The following PDE4D variants were observed in gnomAD, a reference collection of about 807,000 sequenced individuals.
PDE4D encodes phosphodiesterase 4D, also known as 3',5'-cyclic-AMP phosphodiesterase 4D.
Under a neutral mutation model 87.4 loss-of-function variants are expected in PDE4D, and 24 were observed. That is an observed-to-expected ratio of 0.27 (90% CI 0.20 to 0.39). The LOEUF (loss-of-function observed/expected upper bound fraction) is 0.39. Ranked by LOEUF, PDE4D falls within the 10% of genes least tolerant of loss-of-function variation. PDE4D has a pLI of 1.00. For missense variants in PDE4D, 714 were observed against 1,041.0 expected, an observed-to-expected ratio of 0.69 and a Z score of 4.32; for synonymous variants, 384 against 383.2, an observed-to-expected ratio of 1.00 and a Z score of -0.02.
intron 1 of PDE4D, among the ~76,000 whole-genome samples, chr5:59,858,426 C>T (rs906542386): frequency 9.9e-5 from 15 of 151,984 alleles, no homozygotes; most frequent in Non-Finnish European, 8.8e-5. Flanking sequence ...GGAGGACCTG[C>T]CCCACTGCTT....
intron 1 of PDE4D, among the ~76,000 whole-genome samples, chr5:60,385,397 T>C (rs1158947315): frequency 1.3e-5 from 2 of 152,244 alleles, no homozygotes; most frequent in Non-Finnish European, 2.9e-5. Context: ...TCATGCATCA[T>C]TGTCTGAGCG....
At chr5:60,396,508 C>CT (rs568662808) in intron 1 of PDE4D, among the ~76,000 whole-genome samples, 2 of 152,108 alleles carry the variant, frequency 1.3e-5, no homozygotes, top group East Asian at 1.9e-4. Context: ...CTTTTAACTC[C>CT]TTTTTTTTAT....
intron 11 of PDE4D, among the ~76,000 whole-genome samples, chr5:58,987,403 G>C (rs777735518): frequency 3.9e-5 from 6 of 152,126 alleles, no homozygotes; most frequent in Admixed American, 6.5e-5. Context: ...TCCTCTACAT[G>C]GATGAGTCAT....
intron 3 of PDE4D, among the ~76,000 whole-genome samples, chr5:59,919,640 C>A (rs1277607269): frequency 2.0e-5 from 3 of 152,180 alleles, no homozygotes; most frequent in Non-Finnish European, 4.4e-5. Flanking sequence ...TCCATGCAAA[C>A]CACTGAACCT....
intron 1 of PDE4D, among the ~76,000 whole-genome samples, chr5:59,299,793 A>G (rs1769824917): frequency 6.6e-6 from 1 of 152,096 alleles, no homozygotes; most frequent in Non-Finnish European, 1.5e-5. Flanking sequence ...CATGGGGTAG[A>G]TTAACGAGAA....
intron 1 of PDE4D, among the ~76,000 whole-genome samples, chr5:59,692,611 T>A (rs958267717): frequency 6.6e-6 from 1 of 152,144 alleles, no homozygotes; most frequent in African/African-American, 2.4e-5. Flanking sequence ...CAAACATCAG[T>A]ATGGTTATCT....
upstream of PDE4D, chr5:60,490,214 T>A (rs1749456361): frequency 6.6e-6 from 1 of 152,202 alleles, no homozygotes; most frequent in Non-Finnish European, 1.5e-5. Context: ...GAGAACTTTC[T>A]AAAAGACCAG....
intron 1 of PDE4D, among the ~76,000 whole-genome samples, chr5:60,497,992 C>T (rs1203530787): frequency 1.3e-5 from 2 of 152,322 alleles, no homozygotes; most frequent in South Asian, 2.1e-4. Context: ...CCTTGGTCGT[C>T]TGCTTCAGAA....
intron 1 of PDE4D, among the ~76,000 whole-genome samples, chr5:60,265,162 C>A (rs1750058212): frequency 6.6e-6 from 1 of 152,162 alleles, no homozygotes; most frequent in Non-Finnish European, 1.5e-5. Context: ...TCAACCTTAA[C>A]AGAGGAGATT....
At chr5:59,429,926 C>T (rs922050176) in intron 1 of PDE4D, among the ~76,000 whole-genome samples, 2 of 152,122 alleles carry the variant, frequency 1.3e-5, no homozygotes, top group African/African-American at 2.4e-5. Context: ...AGGAATGTCA[C>T]ATGTAGATTA....
intron 3 of PDE4D, among the ~76,000 whole-genome samples, chr5:59,963,537 A>G (rs1415014842): frequency 1.4e-5 from 2 of 144,788 alleles, no homozygotes; most frequent in Non-Finnish European, 3.1e-5. Context: ...ACAGCAGAAC[A>G]TAAAAACGGG....
intron 1 of PDE4D, among the ~76,000 whole-genome samples, chr5:59,368,256 T>C (rs1021927947): frequency 6.6e-6 from 1 of 152,264 alleles, no homozygotes; most frequent in African/African-American, 2.4e-5. Flanking sequence ...TTTGTTCCCA[T>C]GACTTGTGAA....
intron 1 of PDE4D, among the ~76,000 whole-genome samples, chr5:59,392,499 G>T (rs1303313053): frequency 2.0e-5 from 2 of 99,320 alleles, no homozygotes; most frequent in Non-Finnish European, 4.0e-5. Flanking sequence ...ATATGTGTGT[G>T]TGTCTATATA....
chr5:59,467,798 A>G (rs944647570), intron 1 of PDE4D, among the ~76,000 whole-genome samples: 1 of 152,216 alleles, frequency 6.6e-6, no homozygotes, highest in African/African-American at 2.4e-5. Flanking sequence ...ATTATGTTTG[A>G]GTTCACTGGT....
intron 1 of PDE4D, among the ~76,000 whole-genome samples, chr5:59,433,888 G>C (rs936421484): frequency 7.9e-5 from 12 of 152,076 alleles, no homozygotes; most frequent in African/African-American, 2.4e-4. Context: ...CCAGCAAGCA[G>C]CAATTTCAAT....
chr5:60,343,617 G>GCAGA (rs1473377317), intron 1 of PDE4D, among the ~76,000 whole-genome samples: 1 of 152,070 alleles, frequency 6.6e-6, no homozygotes, highest in Non-Finnish European at 1.5e-5. Context: ...GAGAGGCAAT[G>GCAGA]CAGAGTCCCT....
chr5:59,188,585 T>C (rs989966801), intron 3 of PDE4D, among the ~76,000 whole-genome samples: 1 of 152,040 alleles, frequency 6.6e-6, no homozygotes, highest in Non-Finnish European at 1.5e-5. Context: ...GTTTCGAGGA[T>C]TGTTTTTCAT....
At chr5:59,327,075 G>T (rs889697035) in intron 1 of PDE4D, among the ~76,000 whole-genome samples, 2 of 147,762 alleles carry the variant, frequency 1.4e-5, no homozygotes, top group African/African-American at 5.0e-5. Flanking sequence ...AAATATCTAT[G>T]GAATGAATGG....
At chr5:60,450,009 C>A (rs1659061756) in intron 1 of PDE4D, among the ~76,000 whole-genome samples, 2 of 146,086 alleles carry the variant, frequency 1.4e-5, no homozygotes. Flanking sequence ...ATATATAGAA[C>A]TATATACACC....
Sources: allele counts gnomAD v4.1 joint callset (sites outside exome capture counted in the v4.1 genomes callset), GRCh38; gene constraint gnomAD v4.1.1; transcripts MANE v1.5; gene names NCBI Gene and HGNC (gene_info 2026-07-23, HGNC 2026-07-21).